The following PLEKHA3 variants were observed in gnomAD, a reference collection of about 807,000 sequenced individuals.
PLEKHA3 encodes the protein pleckstrin homology domain-containing family A member 3.
In PLEKHA3, 19 loss-of-function variants were observed where a neutral mutation model predicts 39.2. The ratio of observed to expected loss-of-function variants is 0.48; its 90% CI spans 0.34 to 0.71. The LOEUF (loss-of-function observed/expected upper bound fraction) is 0.71, where lower values mean the gene tolerates loss of function less well. PLEKHA3 is among the 30% of genes least tolerant of loss of function. The pLI is 0.01. For synonymous variants in PLEKHA3, 97 were observed against 118.6 expected (o/e 0.82, Z 1.18); for missense variants, 253 against 359.5 (o/e 0.70, Z 2.40).
At chr2:178,487,702 C>A (rs1286428866) in intron 2 of PLEKHA3, among the ~76,000 whole-genome samples, 2 of 152,134 alleles carry the variant, frequency 1.3e-5, no homozygotes, top group African/African-American at 4.8e-5. Context: ...CTTTGGCCTC[C>A]CAAAGTGTTG....
In PLEKHA3 at chr2:178,508,063, GT is replaced by G. The variant is rs1685631963; in HGVS notation, c.*4177del. 6.6e-6 allele frequency: 1 copy of G among 152,346 alleles called. No individual in the cohort carries two copies. Among genetic ancestry groups the G allele is most frequent in the Admixed American group, 6.6e-5 (1 of 15,142 alleles). 9.4% of individuals were successfully genotyped at this position (152,346 alleles called of 1,614,324 possible). On this transcript the variant is annotated 3_prime_UTR_variant, in exon 8 of 8. Transcript: ENST00000234453. ...GCTTCAGTTCTGGGTGTGTGTGTGT[GT>G]GTGTGTGTGTGTGTGTGTGTGTGTG...
chr2:178,496,210 A>C (rs542865090), intron 5 of PLEKHA3, among the ~76,000 whole-genome samples: 1 of 152,200 alleles, frequency 6.6e-6, no homozygotes, highest in Non-Finnish European at 1.5e-5. Flanking sequence ...GCTTACTGTT[A>C]GGTGCTCAGT....
chr2:178,483,530 A>G (rs773997404), intron 1 of PLEKHA3, among the ~76,000 whole-genome samples: 1 of 152,160 alleles, frequency 6.6e-6, no homozygotes, highest in African/African-American at 2.4e-5. Context: ...GTTGCTGCAA[A>G]TTCTAAATGA....
chr2:178,497,565 T>C (rs975384903), intron 5 of PLEKHA3, among the ~76,000 whole-genome samples: 1 of 152,204 alleles, frequency 6.6e-6, no homozygotes, highest in South Asian at 2.1e-4. Flanking sequence ...CTTACAGGAC[T>C]GTGGTGTGGT....
chr2:178,485,848 C>G (rs1466430595), intron 2 of PLEKHA3, 91 bp downstream of exon 2: 4 of 891,798 alleles, frequency 4.5e-6, no homozygotes, highest in Non-Finnish European at 5.5e-6. Flanking sequence ...GCATTTCTAA[C>G]CACGTAGGGA....
intron 2 of PLEKHA3, among the ~76,000 whole-genome samples, chr2:178,486,572 T>G (rs1251898335): frequency 1.3e-5 from 2 of 150,532 alleles, no homozygotes; most frequent in African/African-American, 4.9e-5. Context: ...AATCTGACTT[T>G]AATTGCCATA....
chr2:178,499,459 A>G (rs1685496576), intron 6 of PLEKHA3, among the ~76,000 whole-genome samples: 2 of 152,180 alleles, frequency 1.3e-5, no homozygotes, highest in South Asian at 4.1e-4. Context: ...GAAAAAAATG[A>G]ATGAATTAAC....
rs893626641 is a variant in PLEKHA3, at chr2:178,513,898, C to A, written c.*10011C>A. On this transcript the variant is annotated 3_prime_UTR_variant, in exon 8 of 8. Transcript: ENST00000234453. ...TGGTAAATGAGCATAAAATGAATAT[C>A]TTTTCAGTATTAGAACATTTCTGTT... The A allele has an allele frequency of 1.3e-5, 2 of 152,050 alleles. No individual in the cohort carries two copies. The highest frequency in any genetic ancestry group is 4.8e-5 in the African/African-American group (2 of 41,402). The allele number at this position is 152,050 out of a possible 1,614,324, so 9.4% of individuals were successfully genotyped here.
intron 2 of PLEKHA3, 58 bp from the exon 3 acceptor site, chr2:178,490,601 G>T: frequency 1.3e-6 from 2 of 1,509,330 alleles, no homozygotes; most frequent in South Asian, 2.4e-5. Context: ...ATGATTATTT[G>T]ATTACCCTTA....
rs1685672227 is a variant in PLEKHA3, at chr2:178,510,807, G to C, written c.*6920G>C. The C allele has an allele frequency of 2.0e-5, 3 of 152,258 alleles. No homozygotes were observed. In the South Asian group the frequency reaches 6.2e-4, roughly 32 times the overall value. 9.4% of individuals were successfully genotyped at this position (152,258 alleles called of 1,614,324 possible). A position where few individuals can be genotyped will look rare whatever the true frequency, so the allele number is the denominator to read the frequency against. ...TTGTACACCTTTCAGAAAATGTTGT[G>C]GACTTACATAAGCAAAATGCCTGCA... On this transcript the variant is annotated 3_prime_UTR_variant, in exon 8 of 8. Coordinates refer to ENST00000234453, the MANE Select transcript of PLEKHA3 (RefSeq NM_019091.4).
At chr2:178,500,758 T>C (rs1685518547) in intron 6 of PLEKHA3, among the ~76,000 whole-genome samples, 3 of 152,066 alleles carry the variant, frequency 2.0e-5, no homozygotes. Context: ...ACTTCTAGTT[T>C]TCAAACATTT....
intron 6 of PLEKHA3, among the ~76,000 whole-genome samples, chr2:178,499,781 G>A (rs1685500877): frequency 1.3e-5 from 2 of 152,226 alleles, no homozygotes; most frequent in East Asian, 1.9e-4. Context: ...GTGTAAGCAC[G>A]CTCTGTGATG....
chr2:178,489,082 T>C (rs1685303433), intron 2 of PLEKHA3: 1 of 381,536 alleles, frequency 2.6e-6, no homozygotes, highest in African/African-American at 2.1e-5. Flanking sequence ...AATTAGAGCA[T>C]TGCTTTCTTT....
chr2:178,488,959 C>T, intron 2 of PLEKHA3: 1 of 455,356 alleles, frequency 2.2e-6, no homozygotes, highest in South Asian at 1.6e-5. Context: ...AAGTTTGTTG[C>T]CTTTTCAGGT....
Position 178,504,985 on chromosome 2 carries a change from C to T in PLEKHA3, c.*1098C>T, listed in dbSNP as rs1685583200. The T allele has an allele frequency of 2.0e-5, 3 of 152,336 alleles. No homozygotes were observed. The highest frequency in any genetic ancestry group is 7.2e-5 in the African/African-American group (3 of 41,418). 9.4% of individuals were successfully genotyped at this position (152,336 alleles called of 1,614,324 possible). ...TGTTTAAGGTTTTGGATAAGGAGCA[C>T]TTTAAAACAAACTGGTGTGTTGTTT... On this transcript the variant is annotated 3_prime_UTR_variant, in exon 8 of 8. Coordinates refer to ENST00000234453, the MANE Select transcript of PLEKHA3 (RefSeq NM_019091.4).
chr2:178,494,687 A>T (rs928394813), intron 4 of PLEKHA3, among the ~76,000 whole-genome samples: 1 of 152,114 alleles, frequency 6.6e-6, no homozygotes, highest in African/African-American at 2.4e-5. Flanking sequence ...CAGCTCAGTG[A>T]CAGTATTAGG....
chr2:178,492,629 T>TAAA (rs34187810), intron 3 of PLEKHA3, among the ~76,000 whole-genome samples: 1 of 137,362 alleles, frequency 7.3e-6, no homozygotes, highest in Non-Finnish European at 1.6e-5. Context: ...TAATAATGAT[T>TAAA]AAAAAAAAAA....
In PLEKHA3 at chr2:178,491,302, C is replaced by T. The variant is rs538711475; in HGVS notation, c.313+488C>T. On this transcript the variant is annotated intron_variant, in intron 3 of 7. Transcript: ENST00000234453. ...CTGGGATTACAGGCATGAGCCACTGCGCCCAGCCTAAACTCGTGCTTTCAC... is the reference window on the plus strand; with the variant it reads ...CTGGGATTACAGGCATGAGCCACTGTGCCCAGCCTAAACTCGTGCTTTCAC... Among the ~76,000 whole-genome samples the T allele has an allele frequency of 9.2e-5, 14 of 152,254 alleles. No homozygotes were observed. The East Asian group carries it at 1.4e-3, about 15-fold the overall frequency.
At chr2:178,499,753 G>A (rs1343824344) in intron 6 of PLEKHA3, among the ~76,000 whole-genome samples, 1 of 152,128 alleles carries the variant, frequency 6.6e-6, no homozygotes, top group Non-Finnish European at 1.5e-5. Flanking sequence ...TGTGTAGTAG[G>A]CTATACTAGC....
Sources: allele counts gnomAD v4.1 joint callset (sites outside exome capture counted in the v4.1 genomes callset), GRCh38; gene constraint gnomAD v4.1.1; transcripts MANE v1.5; gene names NCBI Gene and HGNC (gene_info 2026-07-23, HGNC 2026-07-21).